Variants in MTUS2 observed in about 807,000 individuals in gnomAD.
The protein encoded by MTUS2 is microtubule associated scaffold protein 2.
A neutral mutation model predicts 114.1 loss-of-function variants in MTUS2; 40 were observed. The ratio of observed to expected loss-of-function variants is 0.35; its 90% CI spans 0.27 to 0.46. The LOEUF is 0.46. Ranked by LOEUF, MTUS2 falls within the 20% of genes least tolerant of loss-of-function variation. The pLI, the probability that MTUS2 is intolerant of heterozygous loss-of-function variation, is 1.00. For missense variants in MTUS2, 1,679 were observed against 1,705.4 expected (o/e 0.98, Z 0.27); for synonymous variants, 688 against 672.0 (o/e 1.02, Z -0.37).
chr13:29,192,679 A>C (rs1894495957), intron 5 of MTUS2, among the ~76,000 whole-genome samples: 1 of 152,220 alleles, frequency 6.6e-6, no homozygotes, highest in Admixed American at 6.5e-5. Flanking sequence ...TCAATTAAAA[A>C]TATTTCTTAA....
intron 2 of MTUS2, among the ~76,000 whole-genome samples, chr13:28,887,813 A>G (rs958534709): frequency 3.3e-5 from 5 of 152,090 alleles, no homozygotes; most frequent in Non-Finnish European, 2.9e-5. Flanking sequence ...GATCTCAGCT[A>G]TCCTCTGGGC....
chr13:29,362,760 C>T (rs1395677694), intron 8 of MTUS2, among the ~76,000 whole-genome samples: 1 of 152,146 alleles, frequency 6.6e-6, no homozygotes, highest in Non-Finnish European at 1.5e-5. Context: ...TATATTTTTA[C>T]CTGAATATGC....
In MTUS2 at chr13:29,141,206, G is replaced by A. The variant is rs141518429; in HGVS notation, c.2644+40236G>A. Among the ~76,000 whole-genome samples the A allele has an allele frequency of 5.3e-5, 8 of 152,248 alleles. No homozygotes were observed. The East Asian group carries it at 7.7e-4, about 15-fold the overall frequency. On this transcript the variant is annotated intron_variant, in intron 5 of 15. Transcript: ENST00000612955. ...CACTGGAATACAGCAGTGAGAACCC[G>A]GACCTTACAGTGCAGTGGAGCAGAC...
intron 2 of MTUS2, among the ~76,000 whole-genome samples, chr13:28,928,542 C>T (rs1881449245): frequency 6.6e-6 from 1 of 152,086 alleles, no homozygotes; most frequent in South Asian, 2.1e-4. Flanking sequence ...CAAATCGAAA[C>T]CCCAATGAGG....
chr13:29,317,432 C>CTTT (rs552766235), intron 6 of MTUS2, among the ~76,000 whole-genome samples: 1 of 51,664 alleles, frequency 1.9e-5, no homozygotes, highest in African/African-American at 6.6e-5. Flanking sequence ...CTCTCTCTCT[C>CTTT]TTTTTTTTTT....
intron 5 of MTUS2, among the ~76,000 whole-genome samples, chr13:29,191,962 A>G (rs947848894): frequency 6.6e-6 from 1 of 152,220 alleles, no homozygotes; most frequent in Non-Finnish European, 1.5e-5. Flanking sequence ...ACTACAATGC[A>G]GTGAGTTATT....
chr13:29,326,720 CCTGTAATCCCAGCACTTTGGGAGG>C (rs1402281710), intron 7 of MTUS2, among the ~76,000 whole-genome samples: 6 of 152,184 alleles, frequency 3.9e-5, no homozygotes, highest in Non-Finnish European at 7.3e-5. Flanking sequence ...GTGGCTCGTG[CCTGTAATCCCAGCACTTTGGGAGG>C]CTGAGGTGGG....
rs79524044 is a variant in MTUS2, at chr13:29,405,061, A to T, written c.3118-34922A>T. Among the ~76,000 whole-genome samples, 1,453 of 152,330 alleles carry T rather than the reference A, an allele frequency of 9.5e-3. 21 individuals carry two copies. The highest frequency in any genetic ancestry group is 0.016 in the Non-Finnish European group (1,066 of 68,026). On this transcript the variant is annotated intron_variant, in intron 8 of 15. Transcript: ENST00000612955. ...CCTGTATTGATTGTAGAGCTAAAGT[A>T]TGCCTAATCTTTCTTTAAATACTGA...
At chr13:29,393,378 C>A (rs375271275) in intron 8 of MTUS2, among the ~76,000 whole-genome samples, 1 of 152,160 alleles carries the variant, frequency 6.6e-6, no homozygotes, top group African/African-American at 2.4e-5. Flanking sequence ...CAAGTGGAAC[C>A]ATTACCTTTA....
chr13:29,364,341 T>C (rs1300332361), intron 8 of MTUS2, among the ~76,000 whole-genome samples: 1 of 152,056 alleles, frequency 6.6e-6, no homozygotes, highest in East Asian at 1.9e-4. Flanking sequence ...GAACACCCGA[T>C]GCCTGCTGTC....
chr13:28,914,920 C>CT lies in MTUS2; in HGVS notation c.-243+75078dup, dbSNP rs1253224169. Among the ~76,000 whole-genome samples the CT allele has an allele frequency of 2.7e-3, 413 of 151,300 alleles. 3 individuals are homozygous for CT. Among genetic ancestry groups the CT allele is most frequent in the Non-Finnish European group, 3.6e-3 (241 of 67,706 alleles). ...TCAGAAACTAGTATTGTGACCCCTG[C>CT]TTTTTTTTGCTTTCCATTTACTAGG... On this transcript the variant is annotated intron_variant, in intron 2 of 15. Coordinates refer to ENST00000612955, the MANE Select transcript of MTUS2 (RefSeq NM_001033602.4).
intron 4 of MTUS2, among the ~76,000 whole-genome samples, chr13:29,055,504 A>G (rs540099214): frequency 3.9e-5 from 6 of 152,186 alleles, no homozygotes; most frequent in South Asian, 4.1e-4. Flanking sequence ...TAGTTTTTCA[A>G]TCATCACCCT....
chr13:29,357,393 C>G (rs560976819), intron 7 of MTUS2, among the ~76,000 whole-genome samples: 25 of 152,284 alleles, frequency 1.6e-4, no homozygotes, highest in African/African-American at 5.5e-4. Flanking sequence ...CTTTAGATTT[C>G]TAAAAGAAGT....
chr13:28,880,004 T>C (rs780947005), intron 2 of MTUS2, among the ~76,000 whole-genome samples: 10 of 152,158 alleles, frequency 6.6e-5, no homozygotes, highest in Non-Finnish European at 1.3e-4. Flanking sequence ...ACCTGATATA[T>C]TGAGAGAAGA....
At position 29,480,719 on chromosome 13, in the gene MTUS2, C is replaced by T. The variant is rs2138898541; in HGVS notation, c.3399+355C>T. ...TCCCCCAACCACATACACACTCTTT[C>T]TGTCCCCCTCCCAGTATTAGTGTTC... On this transcript the variant is annotated intron_variant, in intron 10 of 15. Transcript: ENST00000612955. This position sits in a 1 kb window ranked among gnomAD's most constrained non-coding sequence, Gnocchi z 4.4. Among the ~76,000 whole-genome samples, 1 of 152,284 alleles carries T rather than the reference C, an allele frequency of 6.6e-6. No individual in the cohort carries two copies. Among genetic ancestry groups the T allele is most frequent in the East Asian group, 1.9e-4 (1 of 5,184 alleles).
intron 2 of MTUS2, among the ~76,000 whole-genome samples, chr13:28,962,874 G>C (rs1419517043): frequency 6.6e-6 from 1 of 152,030 alleles, no homozygotes; most frequent in Non-Finnish European, 1.5e-5. Context: ...GTCACTTTTG[G>C]GACTGGTGGG....
chr13:28,971,756 T>C (rs1480491944), intron 2 of MTUS2, among the ~76,000 whole-genome samples: 1 of 152,174 alleles, frequency 6.6e-6, no homozygotes, highest in African/African-American at 2.4e-5. Context: ...TGTGAGAAAG[T>C]GTAGACAAAG....
In MTUS2 at chr13:29,376,861, C is replaced by G. The variant is rs112540029; in HGVS notation, c.3117+17388C>G. Among the ~76,000 whole-genome samples, 23 of 152,150 alleles carry G rather than the reference C, an allele frequency of 1.5e-4. No homozygotes were observed. In the South Asian group the frequency reaches 2.1e-3, roughly 14 times the overall value. Reference sequence around the variant, plus strand: ...ATAATGACTATAAAAGCATGATCTACCTATATGTTGTCAACAAGAAACTGG... The same window carrying G: ...ATAATGACTATAAAAGCATGATCTAGCTATATGTTGTCAACAAGAAACTGG... On this transcript the variant is annotated intron_variant, in intron 8 of 15. Transcript: ENST00000612955.
At chr13:29,418,317 A>G (rs1875827892) in intron 8 of MTUS2, among the ~76,000 whole-genome samples, 1 of 152,160 alleles carries the variant, frequency 6.6e-6, no homozygotes, top group Non-Finnish European at 1.5e-5. Flanking sequence ...TTCCTCAAGG[A>G]TATCCAGCTT....
Sources: gnomAD v4.1 joint callset for allele counts (sites outside exome capture counted in the v4.1 genomes callset) on GRCh38, gnomAD v4.1.1 for gene constraint, Gnocchi (gnomAD v3.1) non-coding constraint, MANE v1.5 for transcripts, NCBI Gene and HGNC (gene_info 2026-07-23, HGNC 2026-07-21) for gene names.